Variants in SH3PXD2A observed in about 807,000 individuals in gnomAD.
SH3PXD2A encodes the protein SH3 and PX domains 2A, also known as SH3 and PX domain-containing protein 2A.
A neutral mutation model predicts 115.2 loss-of-function variants in SH3PXD2A; 32 were observed. The ratio of observed to expected loss-of-function variants is 0.28; its 90% CI spans 0.21 to 0.37. The LOEUF (loss-of-function observed/expected upper bound fraction) is 0.37, where lower values mean the gene tolerates loss of function less well. Ranked by LOEUF, SH3PXD2A falls within the 10% of genes least tolerant of loss-of-function variation. The pLI, the probability that SH3PXD2A is intolerant of heterozygous loss-of-function variation, is 1.00. For synonymous variants in SH3PXD2A, 610 were observed against 629.1 expected (o/e 0.97, Z 0.45); for missense variants, 1,328 against 1,498.7 (o/e 0.89, Z 1.88).
At chr10:103,606,863 C>T (rs1485099386) in intron 13 of SH3PXD2A, among the ~76,000 whole-genome samples, 8 of 152,252 alleles carry the variant, frequency 5.3e-5, no homozygotes, top group East Asian at 1.9e-4. Context: ...ACCTCCCAGC[C>T]GCCTGCCTTG....
At chr10:103,741,544 CA>C (rs1242212112) in intron 3 of SH3PXD2A, among the ~76,000 whole-genome samples, 37 of 152,298 alleles carry the variant, frequency 2.4e-4, no homozygotes, top group African/African-American at 8.7e-4. Flanking sequence ...GCAACAGGGT[CA>C]GCAGCCCCTT....
At chr10:103,706,615 G>T (rs192376941) in intron 5 of SH3PXD2A, among the ~76,000 whole-genome samples, 8 of 152,316 alleles carry the variant, frequency 5.3e-5, no homozygotes, top group Admixed American at 3.3e-4. Flanking sequence ...CCAGCACAGG[G>T]CTGGTTATAA....
chr10:103,851,336 C>T (rs771924186), intron 1 of SH3PXD2A, among the ~76,000 whole-genome samples: 8 of 152,144 alleles, frequency 5.3e-5, no homozygotes, highest in Non-Finnish European at 8.8e-5. Context: ...CCTGAAGTTG[C>T]TCTACTCCTC....
intron 1 of SH3PXD2A, among the ~76,000 whole-genome samples, chr10:103,842,019 G>A (rs2039604049): frequency 6.6e-6 from 1 of 151,834 alleles, no homozygotes. Context: ...CAGCTACTCG[G>A]GAGGCTGAGG....
At chr10:103,685,659 C>T (rs535966500) in intron 6 of SH3PXD2A, among the ~76,000 whole-genome samples, 1 of 152,300 alleles carries the variant, frequency 6.6e-6, no homozygotes, top group Non-Finnish European at 1.5e-5. Flanking sequence ...CTGGAGTTAT[C>T]ACTTCAGGAA....
At chr10:103,799,889 A>G (rs995127406) in intron 2 of SH3PXD2A, among the ~76,000 whole-genome samples, 6 of 152,218 alleles carry the variant, frequency 3.9e-5, no homozygotes, top group South Asian at 2.1e-4. Flanking sequence ...TCAATGGGAT[A>G]TTCAATCCCA....
At chr10:103,813,656 A>T (rs2039294373) in intron 1 of SH3PXD2A, among the ~76,000 whole-genome samples, 2 of 152,224 alleles carry the variant, frequency 1.3e-5, no homozygotes, top group Admixed American at 1.3e-4. Context: ...GAACATGTAT[A>T]GCTTTCATAA....
rs1053595973 is a variant in SH3PXD2A at position 103,709,604 on chromosome 10, C to T, written c.398+14666G>A. Among the ~76,000 whole-genome samples the T allele has an allele frequency of 7.2e-5, 11 of 152,332 alleles. No homozygotes were observed. The East Asian group carries it at 2.1e-3, about 29-fold the overall frequency. On this transcript the variant is annotated intron_variant, in intron 5 of 14. Coordinates refer to ENST00000369774, the MANE Select transcript of SH3PXD2A (RefSeq NM_001394015.1). ...AACAATAGTAACAACTGGTACCATT[C>T]ATTAAGACTGCATGCTGGGCAGCAT...
At chr10:103,670,740 C>T (rs2037446982) in intron 6 of SH3PXD2A, among the ~76,000 whole-genome samples, 1 of 152,256 alleles carries the variant, frequency 6.6e-6, no homozygotes, top group Admixed American at 6.5e-5. Flanking sequence ...CAGTCAGCAG[C>T]CTCCTTGGGG....
intron 3 of SH3PXD2A, among the ~76,000 whole-genome samples, chr10:103,758,259 C>T (rs1392061279): frequency 6.6e-6 from 1 of 152,140 alleles, no homozygotes; most frequent in African/African-American, 2.4e-5. Context: ...AAACATATAC[C>T]GGTGGTCCGA....
intron 7 of SH3PXD2A, 44 bp from the exon 8 acceptor site, chr10:103,661,158 G>A: frequency 1.9e-6 from 3 of 1,597,920 alleles, no homozygotes. Context: ...GGCCAGCCAT[G>A]GCCCCGCGGC....
In SH3PXD2A at chr10:103,833,543, A is replaced by G. The variant is rs142192277; in HGVS notation, c.72+21652T>C. Reference sequence around the variant, plus strand: ...CATTGTTTGAAGTGGCGAAAAAGTTAGAGACAGTCTAAATGTTCATTAACA... The same window carrying G: ...CATTGTTTGAAGTGGCGAAAAAGTTGGAGACAGTCTAAATGTTCATTAACA... On this transcript the variant is annotated intron_variant, in intron 1 of 14. Coordinates refer to ENST00000369774, the MANE Select transcript of SH3PXD2A (RefSeq NM_001394015.1). Among the ~76,000 whole-genome samples the G allele has an allele frequency of 4.6e-5, 7 of 152,334 alleles. No homozygotes were observed. The South Asian group carries it at 1.0e-3, about 23-fold the overall frequency.
chr10:103,843,660 T>A (rs570939900), intron 1 of SH3PXD2A, among the ~76,000 whole-genome samples: 1 of 152,316 alleles, frequency 6.6e-6, no homozygotes, highest in East Asian at 1.9e-4. Flanking sequence ...GAGGGTCACA[T>A]GGGCAGGTGA....
At chr10:103,654,429 C>T (rs922064400) in intron 8 of SH3PXD2A, among the ~76,000 whole-genome samples, 3 of 152,108 alleles carry the variant, frequency 2.0e-5, no homozygotes, top group African/African-American at 7.2e-5. Flanking sequence ...GAAATTGAGG[C>T]CACAAGAGAG....
rs1459970998 is a variant in SH3PXD2A at position 103,594,840 on chromosome 10, C to T, written c.*6976G>A. On this transcript the variant is annotated 3_prime_UTR_variant, in exon 15 of 15. Coordinates refer to ENST00000369774, the MANE Select transcript of SH3PXD2A (RefSeq NM_001394015.1). Reference sequence around the variant, plus strand: ...GTGGCAGGCTCAGCAAACTGAACCACCACAGGTGTCAGAGATACTTGAGAA... The same window carrying T: ...GTGGCAGGCTCAGCAAACTGAACCATCACAGGTGTCAGAGATACTTGAGAA... 1 of 152,176 alleles carries T rather than the reference C, an allele frequency of 6.6e-6. No individual in the cohort carries two copies. The highest frequency in any genetic ancestry group is 1.5e-5 in the Non-Finnish European group (1 of 68,030). The allele number at this position is 152,176 out of a possible 1,614,324, so 9.4% of individuals were successfully genotyped here.
At chr10:103,767,570 T>C (rs779184171) in intron 2 of SH3PXD2A, among the ~76,000 whole-genome samples, 1 of 152,134 alleles carries the variant, frequency 6.6e-6, no homozygotes, top group Non-Finnish European at 1.5e-5. Flanking sequence ...CCGAACCCTC[T>C]TGGGCCAGGA....
intron 3 of SH3PXD2A, among the ~76,000 whole-genome samples, chr10:103,747,322 C>T (rs2038516113): frequency 6.6e-6 from 1 of 152,262 alleles, no homozygotes; most frequent in South Asian, 2.1e-4. Flanking sequence ...AGCTGTACCC[C>T]CTCCATGTGG....
intron 1 of SH3PXD2A, among the ~76,000 whole-genome samples, chr10:103,821,909 CTT>C (rs34124305): frequency 0.58 from 85,537 of 146,698 alleles, 25,721 homozygotes; most frequent in South Asian, 0.7. Flanking sequence ...TCTTCTTTTT[CTT>C]TTTTTTTTTT....
At chr10:103,767,032 A>G in intron 3 of SH3PXD2A, 62 bp downstream of exon 3, 2 of 1,278,202 alleles carry the variant, frequency 1.6e-6, no homozygotes, top group Non-Finnish European at 1.1e-6. Flanking sequence ...TTCTCGGCCT[A>G]AGGGAAGGAC....
Sources: gnomAD v4.1 joint callset for allele counts (sites outside exome capture counted in the v4.1 genomes callset) on GRCh38, gnomAD v4.1.1 for gene constraint, MANE v1.5 for transcripts, NCBI Gene and HGNC (gene_info 2026-07-23, HGNC 2026-07-21) for gene names.